Variants in DLG4 observed in about 807,000 individuals in gnomAD.
DLG4 encodes disks large homolog 4.
DLG4 carries 7 observed loss-of-function variants against 93.8 expected under a neutral mutation model. The ratio of observed to expected loss-of-function variants is 0.07; its 90% confidence interval spans 0.04 to 0.14. DLG4 has a LOEUF of 0.14. Ranked by LOEUF, DLG4 falls within the 10% of genes least tolerant of loss-of-function variation. The pLI is 1.00. For missense variants in DLG4, 545 were observed against 992.9 expected (o/e 0.55, Z 6.06); for synonymous variants, 341 against 387.6 (o/e 0.88, Z 1.41).
At chr17:7,219,326 G>A (rs2142954804), upstream of DLG4, 1 of 908,358 alleles carries the variant, frequency 1.1e-6, no homozygotes, top group Non-Finnish European at 1.3e-6. Flanking sequence ...GGAACAGAGG[G>A]CAAAGACAGA....
chr17:7,217,753 A>C, upstream of DLG4: 1 of 1,535,354 alleles, frequency 6.5e-7, no homozygotes, highest in Admixed American at 2.0e-5. Context: ...AAGCAGAAGC[A>C]CAGAGGCCCC....
Position 7,191,956 on chromosome 17 carries a change from A to G in DLG4, c.1913T>C (p.Leu638Pro). 6.7e-7 allele frequency: 1 copy of G among 1,484,390 alleles called. No individual in the cohort carries two copies. Among genetic ancestry groups the G allele is most frequent in the Non-Finnish European group, 9.0e-7 (1 of 1,113,990 alleles). The allele number at this position is 1,484,390 out of a possible 1,614,324, so 92.0% of individuals were successfully genotyped here. A position where few individuals can be genotyped will look rare whatever the true frequency, so the allele number is the denominator to read the frequency against. ...LDVSANAVRRLQAAHLHPIAI... is the reference protein window; with the variant it reads ...LDVSANAVRRPQAAHLHPIAI... The stretch of plus-strand genomic sequence containing the variant: ...GATGGGGTGCAGGTGGGCCGCCTGC[A>G]GCCGCCGCACGGCATTGGCCGAGAC... The change falls in exon 18 of 20, where the codon CTG (leucine) becomes CCG (proline). Residue 638 changes from leucine to proline, a missense_variant. Leu to Pro is a moderately conservative substitution (Grantham distance 98). Around this residue, in one of 5 missense-constraint regions of DLG4, gnomAD observed 428 missense variants for 741.4 expected, o/e 0.58. Transcript: ENST00000399506. The surrounding 1 kb of genome is among the most constrained non-coding windows in gnomAD (Gnocchi z 6.6).
chr17:7,217,202 CGTTCCTCCCCTCCGTGG>C lies in DLG4; in HGVS notation c.-72_-56del. The C allele has an allele frequency of 7.9e-7, 1 of 1,264,244 alleles. No individual in the cohort carries two copies. Among genetic ancestry groups the C allele is most frequent in the Admixed American group, 4.1e-5 (1 of 24,282 alleles). The allele number at this position is 1,264,244 out of a possible 1,614,324, so 78.3% of individuals were successfully genotyped here. On this transcript the variant is annotated 5_prime_UTR_variant, in exon 1 of 20. Coordinates refer to ENST00000399506, the MANE Select transcript of DLG4 (RefSeq NM_001321075.3). ...AGGGGCTCTGACTTCATCGGAGTTT[CGTTCCTCCCCTCCGTGG>C]GTTCTCACCCCTCCCCCCTCCGCAC...
At chr17:7,210,156 T>G (rs1434801653) in intron 1 of DLG4, among the ~76,000 whole-genome samples, 1 of 152,166 alleles carries the variant, frequency 6.6e-6, no homozygotes, top group African/African-American at 2.4e-5. Flanking sequence ...AGGAAGCTTA[T>G]CAAGGTCAAT....
rs749335719 is a variant in DLG4 at position 7,204,226 on chromosome 17, G to A, written c.123C>T (p.Asn41=). The A allele has an allele frequency of 4.4e-6, 7 of 1,600,946 alleles. No homozygotes were observed. In the South Asian group the frequency reaches 4.5e-5, roughly 10 times the overall value. Residue 41 remains asparagine, a synonymous_variant, in exon 3 of 20, where the codon AAC becomes AAT. Transcript: ENST00000399506. The part of the protein sequence containing the change: ...NQANSPPVIV[N]TDTLEAPGYE... Reference sequence around the variant, plus strand: ...ATCCTGGGGCTTCTAGGGTATCTGTGTTGACAATCACTGGGGGAGAATTGG... The same window carrying A: ...ATCCTGGGGCTTCTAGGGTATCTGTATTGACAATCACTGGGGGAGAATTGG...
chr17:7,211,170 G>C (rs1294576773), intron 1 of DLG4, among the ~76,000 whole-genome samples: 2 of 149,592 alleles, frequency 1.3e-5, no homozygotes, highest in Admixed American at 6.6e-5. Context: ...ACTGCAGACT[G>C]GGGGGCTGGG....
Position 7,189,319 on chromosome 17 carries a change from A to G in DLG4, c.*1389T>C, listed in dbSNP as rs190308321. ...AGCCTGACCAACATGGTGAAACCCC[A>G]TCTCTACTAAAAATACAAAATTAGC... On this transcript the variant is annotated 3_prime_UTR_variant, in exon 20 of 20. Coordinates refer to ENST00000399506, the MANE Select transcript of DLG4 (RefSeq NM_001321075.3). 5.9e-5 allele frequency among the ~76,000 whole-genome samples: 9 copies of G among 151,616 alleles called. No homozygotes were observed. The highest frequency in any genetic ancestry group is 5.9e-4 in the East Asian group (3 of 5,110).
Position 7,188,080 on chromosome 17 carries a change from A to T in DLG4, c.*2628T>A, listed in dbSNP as rs1256803599. ...AGTGAAACTCGACCTCAAAAAAAAA[A>T]AAAAAAAAATCCTCTGAAGCAGTGC... On this transcript the variant is annotated 3_prime_UTR_variant, in exon 20 of 20. Coordinates refer to ENST00000399506, the MANE Select transcript of DLG4 (RefSeq NM_001321075.3). 6.6e-6 allele frequency among the ~76,000 whole-genome samples: 1 copy of T among 151,986 alleles called. No homozygotes were observed. Among genetic ancestry groups the T allele is most frequent in the East Asian group, 1.9e-4 (1 of 5,192 alleles).
rs2069591528 is a variant in DLG4, at chr17:7,193,174, T to C, written c.1694-57A>G. 1.8e-5 allele frequency: 29 copies of C among 1,598,738 alleles called. No homozygotes were observed. Among genetic ancestry groups the C allele is most frequent in the Non-Finnish European group, 2.3e-5 (27 of 1,170,636 alleles). On this transcript the variant is annotated intron_variant, in intron 16 of 19. Transcript: ENST00000399506. The surrounding 1 kb of genome is among the most constrained non-coding windows in gnomAD (Gnocchi z 6.7). ...CTAACCACCATCCCTCTAGCTTAAATCCTGCCTACTTCAATCAAATCCCCA... is the reference window on the plus strand; with the variant it reads ...CTAACCACCATCCCTCTAGCTTAAACCCTGCCTACTTCAATCAAATCCCCA...
chr17:7,207,921 C>A (rs2070549332), intron 2 of DLG4, among the ~76,000 whole-genome samples: 2 of 152,016 alleles, frequency 1.3e-5, no homozygotes, highest in Non-Finnish European at 2.9e-5. Flanking sequence ...ACGCCCCCTC[C>A]CCCAGACCCC....
At chr17:7,219,020 T>G (rs1379819354), upstream of DLG4, 2 of 686,958 alleles carry the variant, frequency 2.9e-6, no homozygotes, top group African/African-American at 3.6e-5. Flanking sequence ...CCACACACCC[T>G]GGCCCCCTCT....
At chr17:7,214,480 T>G (rs1488385362) in intron 1 of DLG4, among the ~76,000 whole-genome samples, 1 of 150,316 alleles carries the variant, frequency 6.7e-6, no homozygotes, top group Non-Finnish European at 1.5e-5. Context: ...ACACTGTCCC[T>G]CCGCCACGCC....
upstream of DLG4, chr17:7,219,941 G>T: frequency 1.3e-6 from 2 of 1,582,688 alleles, no homozygotes; most frequent in Non-Finnish European, 8.5e-7. Context: ...GGACGCCAGA[G>T]CTGGGTCAGA....
In DLG4 at chr17:7,203,015, A is replaced by G. The variant is rs1436440864; in HGVS notation, c.675T>C (p.His225=). ...TCTTCAGGGCTGCCACAGCATCTTC[A>G]TGCATGACGTCCTCTAGCCCCACAC... The part of the protein sequence containing the change: ...VNSVGLEDVM[H]EDAVAALKNT... The change falls in exon 8 of 20, where the codon CAT becomes CAC. Residue 225 remains histidine (H), a synonymous_variant. Coordinates refer to ENST00000399506, the MANE Select transcript of DLG4 (RefSeq NM_001321075.3). This position sits in a 1 kb window ranked among gnomAD's most constrained non-coding sequence, Gnocchi z 7.2. The G allele has an allele frequency of 1.2e-6, 2 of 1,611,864 alleles. No homozygotes were observed. Among genetic ancestry groups the G allele is most frequent in the African/African-American group, 1.3e-5 (1 of 74,912 alleles).
At chr17:7,207,010 A>T (rs189610766) in intron 2 of DLG4, among the ~76,000 whole-genome samples, 1 of 151,946 alleles carries the variant, frequency 6.6e-6, no homozygotes, top group Non-Finnish European at 1.5e-5. Flanking sequence ...TGGACTGGAG[A>T]ATGGAAGGTC....
At chr17:7,198,251 G>A (rs554864398) in intron 8 of DLG4, among the ~76,000 whole-genome samples, 34 of 152,030 alleles carry the variant, frequency 2.2e-4, no homozygotes, top group African/African-American at 7.5e-4. Context: ...TGGAGGCCAA[G>A]GCAGGCAGAT....
In DLG4 at chr17:7,188,939, C is replaced by A. The variant is rs761763690; in HGVS notation, c.*1769G>T. 1.3e-5 allele frequency among the ~76,000 whole-genome samples: 2 copies of A among 151,866 alleles called. No individual in the cohort carries two copies. The highest frequency in any genetic ancestry group is 2.4e-5 in the African/African-American group (1 of 41,318). ...CCAGCCTGGCCAACAAAGCAAAACC[C>A]CATCTCTACTAAAAATACAAAAATT... On this transcript the variant is annotated 3_prime_UTR_variant, in exon 20 of 20. Transcript: ENST00000399506.
chr17:7,210,967 G>A (rs948187153), intron 1 of DLG4, among the ~76,000 whole-genome samples: 4 of 151,944 alleles, frequency 2.6e-5, no homozygotes, highest in African/African-American at 9.7e-5. Flanking sequence ...TGGCACTGAA[G>A]AAAAGGCTCC....
rs1457784229 is a variant in DLG4 at position 7,204,234 on chromosome 17, T to C, written c.115A>G (p.Ile39Val). Residue 39 changes from isoleucine to valine, a missense_variant, in exon 3 of 20, where the codon ATT (isoleucine) becomes GTT (valine). Ile to Val is a conservative substitution (Grantham distance 29, BLOSUM62 3). Coordinates refer to ENST00000399506, the MANE Select transcript of DLG4 (RefSeq NM_001321075.3). ...LPNQANSPPV[I>V]VNTDTLEAPG... ...GCTTCTAGGGTATCTGTGTTGACAA[T>C]CACTGGGGGAGAATTGGCCTGTTTG... 1 of 1,597,344 alleles carries C rather than the reference T, an allele frequency of 6.3e-7. No individual in the cohort carries two copies. The highest frequency in any genetic ancestry group is 8.5e-7 in the Non-Finnish European group (1 of 1,169,976).
Sources: gnomAD v4.1 joint callset for allele counts (sites outside exome capture counted in the v4.1 genomes callset) on GRCh38, gnomAD v4.1.1 for gene constraint, gnomAD v4.1.1 regional missense constraint, Gnocchi (gnomAD v3.1) non-coding constraint, MANE v1.5 for transcripts, NCBI Gene and HGNC (gene_info 2026-07-23, HGNC 2026-07-21) for gene names.